Variants in CTIF observed in about 807,000 individuals in gnomAD.
CTIF encodes cap binding complex dependent translation initiation factor, also known as CBP80/20-dependent translation initiation factor.
In CTIF, 21 loss-of-function variants were observed where a neutral mutation model predicts 66.0. That is an observed-to-expected ratio of 0.32 (90% CI 0.23 to 0.46). The LOEUF (loss-of-function observed/expected upper bound fraction) is 0.46, where lower values mean the gene tolerates loss of function less well. Ranked by LOEUF, CTIF falls within the 20% of genes least tolerant of loss-of-function variation. The probability of loss-of-function intolerance (pLI) is 1.00; values close to 1 mark genes in which losing one functional copy is unlikely to be tolerated. For synonymous variants in CTIF, 345 were observed against 326.4 expected, an observed-to-expected ratio of 1.06 and a Z score of -0.62; for missense variants, 739 against 812.7, an observed-to-expected ratio of 0.91 and a Z score of 1.10.
chr18:48,856,938 A>G (rs563578201), intron 10 of CTIF, among the ~76,000 whole-genome samples: 2 of 152,344 alleles, frequency 1.3e-5, no homozygotes, highest in East Asian at 3.9e-4. Context: ...AGAGACAGAG[A>G]GATTGAGAGA....
chr18:48,673,111 C>T (rs1376192240), intron 6 of CTIF, among the ~76,000 whole-genome samples: 1 of 152,200 alleles, frequency 6.6e-6, no homozygotes, highest in African/African-American at 2.4e-5. Flanking sequence ...CTGCCCCCAT[C>T]TCTGTGGCAT....
At chr18:48,734,914 A>G (rs1369499050) in intron 7 of CTIF, among the ~76,000 whole-genome samples, 2 of 152,166 alleles carry the variant, frequency 1.3e-5, no homozygotes, top group Non-Finnish European at 2.9e-5. Context: ...ACTTAATATC[A>G]TATTGCTGTG....
At chr18:48,565,582 A>G (rs1024673660) in intron 1 of CTIF, 4 of 152,204 alleles carry the variant, frequency 2.6e-5, no homozygotes, top group African/African-American at 7.2e-5. Context: ...AGAACCAGCC[A>G]TGGAAACCAG....
At chr18:48,653,219 C>T (rs150574908) in intron 3 of CTIF, among the ~76,000 whole-genome samples, 43,637 of 152,040 alleles carry the variant, frequency 0.29, 6,986 homozygotes, top group African/African-American at 0.43. Context: ...TGATTGTATA[C>T]TTAGAAAACC....
At chr18:48,580,055 C>T (rs1260580350) in intron 1 of CTIF, among the ~76,000 whole-genome samples, 2 of 152,230 alleles carry the variant, frequency 1.3e-5, no homozygotes, top group Admixed American at 6.5e-5. Context: ...GTCTGTCCAC[C>T]CATTCATCTA....
At chr18:48,671,542 C>G (rs1203788476) in intron 6 of CTIF, among the ~76,000 whole-genome samples, 2 of 152,140 alleles carry the variant, frequency 1.3e-5, no homozygotes, top group Admixed American at 6.5e-5. Context: ...CTGTTCATGC[C>G]TTGGGCCTAT....
chr18:48,775,962 G>A (rs897023196), intron 9 of CTIF, among the ~76,000 whole-genome samples: 1 of 152,222 alleles, frequency 6.6e-6, no homozygotes, highest in Non-Finnish European at 1.5e-5. Flanking sequence ...GCTGGCGCCT[G>A]CTTCTTGCCA....
chr18:48,568,320 T>C (rs557446869), intron 1 of CTIF: 1 of 152,172 alleles, frequency 6.6e-6, no homozygotes, highest in South Asian at 2.1e-4. Flanking sequence ...AGCATTGATG[T>C]CTGCCATTTG....
At chr18:48,755,105 TG>T (rs1908223762) in intron 7 of CTIF, among the ~76,000 whole-genome samples, 1 of 152,320 alleles carries the variant, frequency 6.6e-6, no homozygotes, top group East Asian at 1.9e-4. Flanking sequence ...GGACATTTCT[TG>T]GGCCATAGCT....
At chr18:48,839,501 CTCT>C (rs1182564921) in intron 10 of CTIF, among the ~76,000 whole-genome samples, 2 of 152,204 alleles carry the variant, frequency 1.3e-5, no homozygotes, top group Non-Finnish European at 2.9e-5. Flanking sequence ...ACCCCACATC[CTCT>C]TCTTTAATCC....
chr18:48,822,584 C>T (rs566187524), intron 10 of CTIF, among the ~76,000 whole-genome samples: 18 of 137,916 alleles, frequency 1.3e-4, no homozygotes, highest in South Asian at 1.2e-3. Context: ...GGGTTGTTTC[C>T]GTGTCTTGGC....
chr18:48,608,118 G>T (rs1401989352), intron 1 of CTIF, among the ~76,000 whole-genome samples: 1 of 152,082 alleles, frequency 6.6e-6, no homozygotes, highest in Admixed American at 6.6e-5. Context: ...ACATGTGTGA[G>T]TGAGGGAGCC....
intron 10 of CTIF, among the ~76,000 whole-genome samples, chr18:48,836,539 C>T (rs1344389500): frequency 6.6e-6 from 1 of 152,186 alleles, no homozygotes; most frequent in Non-Finnish European, 1.5e-5. Context: ...GAGTGAGATC[C>T]CCAACCAACC....
rs1598801536 is a variant in CTIF, at chr18:48,648,501, A to G, written c.252+11816A>G. 5.9e-5 allele frequency among the ~76,000 whole-genome samples: 9 copies of G among 151,566 alleles called. No individual in the cohort carries two copies. The South Asian group carries it at 1.5e-3, about 25-fold the overall frequency. ...CACACACACACACGCACACACACAC[A>G]CAAACACACACATGGTGTTGCCATG... On this transcript the variant is annotated intron_variant, in intron 3 of 11. Coordinates refer to ENST00000256413, the MANE Select transcript of CTIF (RefSeq NM_014772.3).
rs2069511744 is a variant in CTIF at position 48,862,993 on chromosome 18, CT to C, written c.*3435del. The C allele has an allele frequency of 6.6e-6, 1 of 152,306 alleles. No homozygotes were observed. Among genetic ancestry groups the C allele is most frequent in the South Asian group, 2.1e-4 (1 of 4,834 alleles). The allele number at this position is 152,306 out of a possible 1,614,324, so 9.4% of individuals were successfully genotyped here. Reference sequence around the variant, plus strand: ...ATCAGAAGAAAGAAAGACAACTTTCCTCTGCGCGGAACACTCACACGGAAGG... The same window carrying C: ...ATCAGAAGAAAGAAAGACAACTTTCCCTGCGCGGAACACTCACACGGAAGG... On this transcript the variant is annotated 3_prime_UTR_variant, in exon 12 of 12. Coordinates refer to ENST00000256413, the MANE Select transcript of CTIF (RefSeq NM_014772.3).
intron 1 of CTIF, among the ~76,000 whole-genome samples, chr18:48,557,624 C>T (rs907696044): frequency 2.0e-5 from 3 of 152,230 alleles, no homozygotes; most frequent in Admixed American, 6.5e-5. Context: ...TTTCTATAGT[C>T]TCTGTATTAG....
At chr18:48,616,786 A>G (rs549883176) in intron 1 of CTIF, among the ~76,000 whole-genome samples, 7 of 152,320 alleles carry the variant, frequency 4.6e-5, no homozygotes, top group African/African-American at 1.7e-4. Context: ...GTAGCCTGCC[A>G]TGAAACCAAG....
intron 2 of CTIF, among the ~76,000 whole-genome samples, chr18:48,631,983 G>A (rs2090727068): frequency 6.6e-6 from 1 of 152,156 alleles, no homozygotes; most frequent in African/African-American, 2.4e-5. Context: ...GACAGGTTCT[G>A]GGGAGGTCCA....
chr18:48,541,253 CTG>C (rs1314206599), intron 1 of CTIF, among the ~76,000 whole-genome samples: 1 of 152,190 alleles, frequency 6.6e-6, no homozygotes, highest in Non-Finnish European at 1.5e-5. Flanking sequence ...CCGCCCGGCG[CTG>C]TGTCTCTGCG....
Sources: gnomAD v4.1 joint callset for allele counts (sites outside exome capture counted in the v4.1 genomes callset) on GRCh38, gnomAD v4.1.1 for gene constraint, MANE v1.5 for transcripts, NCBI Gene and HGNC (gene_info 2026-07-23, HGNC 2026-07-21) for gene names.